Variants in LAIR1 observed in about 807,000 individuals in gnomAD.
LAIR1 encodes leukocyte associated immunoglobulin like receptor 1.
LAIR1 carries 24 observed loss-of-function variants against 32.8 expected under a neutral mutation model. That is an observed-to-expected ratio of 0.73 (90% confidence interval 0.53 to 1.03). The LOEUF is 1.03. Among genes scored for constraint, LAIR1 ranks in the 50% least tolerant of loss-of-function variants. The pLI, the probability that LAIR1 is intolerant of heterozygous loss-of-function variation, is 0.00. For synonymous variants in LAIR1, 150 were observed against 140.5 expected, an observed-to-expected ratio of 1.07 and a Z score of -0.48; for missense variants, 355 against 347.5, an observed-to-expected ratio of 1.02 and a Z score of -0.17.
chr19:54,354,112 C>T lies in LAIR1; in HGVS notation c.*1156G>A, dbSNP rs1490510426. On this transcript the variant is annotated 3_prime_UTR_variant, in exon 10 of 10. Coordinates refer to ENST00000391742, the MANE Select transcript of LAIR1 (RefSeq NM_002287.6). ...TCCTAGTGGTACATAGGGTAATTTT[C>T]TGTGTCAATCAGTACATCTGACCCT... 2 of 152,130 alleles carry T rather than the reference C, an allele frequency of 1.3e-5. No individual in the cohort carries two copies. The highest frequency in any genetic ancestry group is 4.8e-5 in the African/African-American group (2 of 41,410). The allele number at this position is 152,130 out of a possible 1,614,324, so 9.4% of individuals were successfully genotyped here. A position where few individuals can be genotyped will look rare whatever the true frequency, so the allele number is the denominator to read the frequency against.
chr19:54,368,005 C>T (rs966884477), upstream of LAIR1, among the ~76,000 whole-genome samples: 2 of 151,848 alleles, frequency 1.3e-5, no homozygotes, highest in South Asian at 4.2e-4. Context: ...ATCTCCTGAC[C>T]TCATGATCCA....
At chr19:54,368,437 G>C (rs1174856112), upstream of LAIR1, 3 of 152,138 alleles carry the variant, frequency 2.0e-5, no homozygotes, top group African/African-American at 2.4e-5. Context: ...TGGCATAATG[G>C]TTTCTATGCA....
chr19:54,358,225 ATT>A (rs989276532), intron 4 of LAIR1: 1 of 144,348 alleles, frequency 6.9e-6, no homozygotes, highest in Admixed American at 7.1e-5. Context: ...TAGATAATAT[ATT>A]TACATTAATA....
In LAIR1 at chr19:54,364,848, G is replaced by A. The variant is rs774938246; in HGVS notation, c.-44C>T. 1.9e-6 allele frequency: 3 copies of A among 1,614,052 alleles called. No homozygotes were observed. Among genetic ancestry groups the A allele is most frequent in the South Asian group, 1.1e-5 (1 of 91,074 alleles). ...GCAGCCTGGCCTGAGGCGCACCAAT[G>A]CAAGGACAGAACTCTGCAGCAGACA... On this transcript the variant is annotated 5_prime_UTR_variant, in exon 1 of 10. Coordinates refer to ENST00000391742, the MANE Select transcript of LAIR1 (RefSeq NM_002287.6). The surrounding 1 kb of genome is among the most constrained non-coding windows in gnomAD (Gnocchi z 4.8).
rs2081561522 is a variant in LAIR1 at position 54,352,970 on chromosome 19, G to C, written c.*2298C>G. 6.6e-6 allele frequency: 1 copy of C among 152,150 alleles called. No homozygotes were observed. Among genetic ancestry groups the C allele is most frequent in the African/African-American group, 2.4e-5 (1 of 41,390 alleles). 9.4% of individuals were successfully genotyped at this position (152,150 alleles called of 1,614,324 possible). ...GGTCGGGAGTTCAAGACCAGCCTGAGCAACATGGAGAGCCCCCCGTCTCTA... is the reference window on the plus strand; with the variant it reads ...GGTCGGGAGTTCAAGACCAGCCTGACCAACATGGAGAGCCCCCCGTCTCTA... On this transcript the variant is annotated 3_prime_UTR_variant, in exon 10 of 10. Transcript: ENST00000391742.
upstream of LAIR1, among the ~76,000 whole-genome samples, chr19:54,371,475 GT>G (rs1229462950): frequency 7.3e-5 from 11 of 151,110 alleles, no homozygotes; most frequent in South Asian, 4.2e-4. Flanking sequence ...ATTTTTGTAT[GT>G]TTAGTAGAGA....
rs1021768307 is a variant in LAIR1 at position 54,351,511 on chromosome 19, T to C, written c.*3757A>G. ...CAAGTGCATACTGCTTCCCAGATCC[T>C]ACAAGAAAGGAGATTAAGGTGTAGA... On this transcript the variant is annotated 3_prime_UTR_variant, in exon 10 of 10. Coordinates refer to ENST00000391742, the MANE Select transcript of LAIR1 (RefSeq NM_002287.6). 1 of 152,226 alleles carries C rather than the reference T, an allele frequency of 6.6e-6. No homozygotes were observed. Among genetic ancestry groups the C allele is most frequent in the East Asian group, 1.9e-4 (1 of 5,204 alleles). 9.4% of individuals were successfully genotyped at this position (152,226 alleles called of 1,614,324 possible). A position where few individuals can be genotyped will look rare whatever the true frequency, so the allele number is the denominator to read the frequency against.
chr19:54,358,500 T>C (rs2081850586), intron 4 of LAIR1: 1 of 1,578,960 alleles, frequency 6.3e-7, no homozygotes, highest in Non-Finnish European at 8.7e-7. Context: ...TATGCATGTA[T>C]GGGAATCAGT....
In LAIR1 at chr19:54,355,992, T is replaced by C. The variant is rs1452121049; in HGVS notation, c.679A>G (p.Asn227Asp). The change falls in exon 9 of 10, where the codon AAT becomes GAT. Residue 227 changes from asparagine to aspartate, a missense_variant. By Grantham distance (23) the Asn-to-Asp change is conservative. Transcript: ENST00000391742. This position sits in a 1 kb window ranked among gnomAD's most constrained non-coding sequence, Gnocchi z 4.7. Reference sequence around the variant, plus strand: ...TCTCTGTCCTTCTCAGGAAGTCCATTGACTGTGGCCTTGTCTTGGGGAGAA... The same window carrying C: ...TCTCTGTCCTTCTCAGGAAGTCCATCGACTGTGGCCTTGTCTTGGGGAGAA... ...LERTADKATV[N>D]GLPEKDRETD... 1 of 1,610,556 alleles carries C rather than the reference T, an allele frequency of 6.2e-7. No homozygotes were observed. Among genetic ancestry groups the C allele is most frequent in the Non-Finnish European group, 8.5e-7 (1 of 1,176,672 alleles).
upstream of LAIR1, among the ~76,000 whole-genome samples, chr19:54,373,248 C>T (rs2082448672): frequency 6.6e-6 from 1 of 151,334 alleles, no homozygotes; most frequent in African/African-American, 2.5e-5. Flanking sequence ...CGAGACCATC[C>T]TGGCCAACAC....
At chr19:54,356,048 C>T (rs1006363767) in intron 8 of LAIR1, 42 bp from the exon 9 acceptor site, 9 of 1,524,344 alleles carry the variant, frequency 5.9e-6, no homozygotes, top group African/African-American at 4.1e-5. Flanking sequence ...GGGAGGATGT[C>T]GCAAGGCAAA....
upstream of LAIR1, among the ~76,000 whole-genome samples, chr19:54,369,021 G>A (rs2082339683): frequency 6.6e-6 from 1 of 150,842 alleles, no homozygotes; most frequent in Non-Finnish European, 1.5e-5. Flanking sequence ...TTCTTACCTG[G>A]GAATAAATTT....
In LAIR1 at chr19:54,364,374, T is replaced by C. The variant is rs767620800; in HGVS notation, c.35-44A>G. The C allele has an allele frequency of 6.2e-7, 1 of 1,613,166 alleles. No individual in the cohort carries two copies. Among genetic ancestry groups the C allele is most frequent in the Non-Finnish European group, 8.5e-7 (1 of 1,179,192 alleles). On this transcript the variant is annotated intron_variant, in intron 1 of 9. Transcript: ENST00000391742. The surrounding 1 kb of genome is among the most constrained non-coding windows in gnomAD (Gnocchi z 4.8). Reference sequence around the variant, plus strand: ...TGAGAAAAATGCCCAGTGCCCAGTCTCCTTACGGGGCTGCTGTCAAAAGGG... The same window carrying C: ...TGAGAAAAATGCCCAGTGCCCAGTCCCCTTACGGGGCTGCTGTCAAAAGGG...
Position 54,355,114 on chromosome 19 carries a change from A to G in LAIR1, c.*154T>C. ...AACGAACCTTCTGGATGCTGGTTAG[A>G]AACCTCCAGTCTCCAGCTCTTGTCT... On this transcript the variant is annotated 3_prime_UTR_variant, in exon 10 of 10. Transcript: ENST00000391742. The surrounding 1 kb of genome is among the most constrained non-coding windows in gnomAD (Gnocchi z 4.7). 1.4e-6 allele frequency: 1 copy of G among 703,260 alleles called. No individual in the cohort carries two copies. Among genetic ancestry groups the G allele is most frequent in the East Asian group, 2.9e-5 (1 of 34,806 alleles). The allele number at this position is 703,260 out of a possible 1,614,324, so 43.6% of individuals were successfully genotyped here.
exon 1 of LAIR1, chr19:54,370,404 G>A (rs2082375625): frequency 3.0e-6 from 2 of 657,808 alleles, no homozygotes; most frequent in Non-Finnish European, 5.1e-6. Context: ...CTCCGATGGT[G>A]GATGAACTTG....
intron 2 of LAIR1, among the ~76,000 whole-genome samples, chr19:54,362,507 C>T (rs191949876): frequency 6.6e-6 from 1 of 152,314 alleles, no homozygotes; most frequent in East Asian, 1.9e-4. Flanking sequence ...TGTGAACTGA[C>T]AGAGTCTTGC....
At position 54,364,763 on chromosome 19, in the gene LAIR1, G is replaced by A. The variant is rs977543156; in HGVS notation, c.34+8C>T. ...CTTTCCAGCCTCCCGGCTGCCTCCAGGACTCACCTAGGCCCAGGAGGGCGG... is the reference window on the plus strand; with the variant it reads ...CTTTCCAGCCTCCCGGCTGCCTCCAAGACTCACCTAGGCCCAGGAGGGCGG... On this transcript the variant is annotated splice_region_variant and intron_variant, in intron 1 of 9. Transcript: ENST00000391742. This position sits in a 1 kb window ranked among gnomAD's most constrained non-coding sequence, Gnocchi z 4.8. The A allele has an allele frequency of 3.8e-5, 62 of 1,613,152 alleles. No individual in the cohort carries two copies. In the Admixed American group the frequency reaches 8.0e-4, roughly 21 times the overall value.
chr19:54,364,347 A>G lies in LAIR1; in HGVS notation c.35-17T>C. On this transcript the variant is annotated splice_polypyrimidine_tract_variant and intron_variant, in intron 1 of 9. Transcript: ENST00000391742. This position sits in a 1 kb window ranked among gnomAD's most constrained non-coding sequence, Gnocchi z 4.8. ...GGCAGAGCACTGGAAGAGAAGCCCC[A>G]GTGAGAAAAATGCCCAGTGCCCAGT... 6.2e-7 allele frequency: 1 copy of G among 1,613,898 alleles called. No homozygotes were observed. The highest frequency in any genetic ancestry group is 1.1e-5 in the South Asian group (1 of 91,076).
chr19:54,358,311 A>G (rs1407576433), intron 4 of LAIR1: 1 of 153,412 alleles, frequency 6.5e-6, no homozygotes, highest in Admixed American at 6.8e-5. Context: ...TTCATATAAT[A>G]TATAATATAC....
Sources: gnomAD v4.1 joint callset for allele counts (sites outside exome capture counted in the v4.1 genomes callset) on GRCh38, gnomAD v4.1.1 for gene constraint, Gnocchi (gnomAD v3.1) non-coding constraint, MANE v1.5 for transcripts, NCBI Gene and HGNC (gene_info 2026-07-23, HGNC 2026-07-21) for gene names.